DIAPH2: variants seen among roughly 807,000 people sequenced by gnomAD.
DIAPH2 encodes diaphanous related formin 2, also known as protein diaphanous homolog 2.
A neutral mutation model predicts 92.7 loss-of-function variants in DIAPH2; 35 were observed. That is an observed-to-expected ratio of 0.38 (90% CI 0.29 to 0.50). DIAPH2 has a LOEUF of 0.50. Ranked by LOEUF, DIAPH2 falls within the 20% of genes least tolerant of loss-of-function variation. The pLI is 0.94. For missense variants in DIAPH2, 701 were observed against 819.5 expected (o/e 0.86, Z 1.77); for synonymous variants, 301 against 280.4 (o/e 1.07, Z -0.73).
At chrX:97,141,085 A>G (rs995739131) in intron 21 of DIAPH2, among the ~76,000 whole-genome samples, 3 of 111,061 alleles carry the variant, frequency 2.7e-5, no homozygotes, top group Non-Finnish European at 3.8e-5. Flanking sequence ...TGAAAAGGAA[A>G]TACAATATGT....
chrX:97,526,979 G>A (rs1292685279), intron 26 of DIAPH2, among the ~76,000 whole-genome samples: 1 of 111,267 alleles, frequency 9.0e-6, no homozygotes, highest in Non-Finnish European at 1.9e-5. Flanking sequence ...GCTGCTCCTA[G>A]CCCCAACCCT....
intron 21 of DIAPH2, among the ~76,000 whole-genome samples, chrX:97,116,748 C>CT (rs945398462): frequency 2.7e-5 from 3 of 111,657 alleles, no homozygotes; most frequent in African/African-American, 9.7e-5. Context: ...AAATATGTAC[C>CT]TTATAAGTGT....
chrX:97,379,208 G>A (rs2069530022), intron 24 of DIAPH2, among the ~76,000 whole-genome samples: 1 of 111,214 alleles, frequency 9.0e-6, no homozygotes, highest in African/African-American at 3.3e-5. Context: ...ATCATATTCA[G>A]TATAGTTATG....
intron 26 of DIAPH2, 138 bp from the exon 27 acceptor site, chrX:97,599,115 G>C: frequency 2.8e-6 from 1 of 357,619 alleles, no homozygotes. Flanking sequence ...TCAGATCTGA[G>C]TTCCTTGTTA....
At chrX:97,135,591 A>G (rs1039112758) in intron 21 of DIAPH2, among the ~76,000 whole-genome samples, 2 of 111,204 alleles carry the variant, frequency 1.8e-5, no homozygotes, top group East Asian at 5.7e-4. Flanking sequence ...TTCCACACGC[A>G]TACCATCTTC....
intron 23 of DIAPH2, among the ~76,000 whole-genome samples, chrX:97,263,128 A>G (rs765001085): frequency 3.6e-5 from 4 of 112,359 alleles, no homozygotes; most frequent in African/African-American, 6.5e-5. Context: ...TCATGCATCT[A>G]TTCTTTTACT....
At chrX:97,484,594 A>G (rs1045153311) in intron 26 of DIAPH2, among the ~76,000 whole-genome samples, 4 of 112,222 alleles carry the variant, frequency 3.6e-5, no homozygotes, top group Non-Finnish European at 7.5e-5. Context: ...CCATGTCTCA[A>G]GGATGTATAA....
At chrX:97,515,109 C>G (rs774784947) in intron 26 of DIAPH2, among the ~76,000 whole-genome samples, 1 of 112,267 alleles carries the variant, frequency 8.9e-6, no homozygotes, top group Non-Finnish European at 1.9e-5. Context: ...CTCCCCCAGC[C>G]TCGCTGCTGC....
At chrX:97,238,593 G>A (rs757907269) in intron 22 of DIAPH2, among the ~76,000 whole-genome samples, 75 of 105,417 alleles carry the variant, frequency 7.1e-4, no homozygotes, top group African/African-American at 2.4e-3. Flanking sequence ...TTCCCCCTAA[G>A]AATGAGTCAT....
intron 16 of DIAPH2, among the ~76,000 whole-genome samples, chrX:96,962,384 TATATATACAC>T (rs1280650613): frequency 2.7e-4 from 20 of 73,808 alleles, no homozygotes; most frequent in Admixed American, 5.1e-4. Context: ...TATATACACA[TATATATACAC>T]ATATATATAC....
At chrX:97,499,769 A>T (rs1411743374) in intron 26 of DIAPH2, among the ~76,000 whole-genome samples, 1 of 112,544 alleles carries the variant, frequency 8.9e-6, no homozygotes. Context: ...ATGCAGCCAT[A>T]AAAAAGATAA....
intron 2 of DIAPH2, among the ~76,000 whole-genome samples, chrX:96,737,587 A>C (rs773876543): frequency 2.7e-5 from 3 of 111,943 alleles, no homozygotes; most frequent in South Asian, 3.7e-4. Context: ...TATGCACATT[A>C]CTAACTTTTG....
rs1256387036 is a variant in DIAPH2, at chrX:96,937,342, C to T, written c.1199C>T (p.Ala400Val). 9.0e-7 allele frequency: 1 copy of T among 1,114,106 alleles called. No individual in the cohort carries two copies. The highest frequency in any genetic ancestry group is 1.2e-6 in the Non-Finnish European group (1 of 827,707). The allele number at this position is 1,114,106 out of a possible 1,213,427, so 91.8% of individuals were successfully genotyped here. A position where few individuals can be genotyped will look rare whatever the true frequency, so the allele number is the denominator to read the frequency against. The change falls in exon 11 of 27, where the codon GCA becomes GTA. Residue 400 changes from alanine to valine, a missense_variant. Physicochemically the swap from Ala to Val is moderately conservative, Grantham distance 64 (BLOSUM62 0). Coordinates refer to ENST00000324765, the MANE Select transcript of DIAPH2 (RefSeq NM_006729.5). ...TCACACCGTCTCAATGACATTCGAG[C>T]AGAAATGGAATATCCTTTGACAAAC... The part of the protein sequence containing the change: ...ELSHRLNDIR[A>V]EMDDMNEVYH...
intron 26 of DIAPH2, among the ~76,000 whole-genome samples, chrX:97,488,018 C>T (rs932544187): frequency 2.7e-5 from 3 of 111,770 alleles, no homozygotes; most frequent in South Asian, 3.7e-4. Context: ...TTTGAGATGG[C>T]GTTTCGCCCT....
At chrX:97,544,386 A>G (rs1197660758) in intron 26 of DIAPH2, among the ~76,000 whole-genome samples, 1 of 112,332 alleles carries the variant, frequency 8.9e-6, no homozygotes, top group East Asian at 2.8e-4. Flanking sequence ...AAGTGATTCA[A>G]TTGTCATTAC....
At chrX:97,524,696 C>T (rs372819178) in intron 26 of DIAPH2, among the ~76,000 whole-genome samples, 1 of 111,972 alleles carries the variant, frequency 8.9e-6, no homozygotes, top group Non-Finnish European at 1.9e-5. Flanking sequence ...CAACAACATA[C>T]GTTTCCTGAT....
intron 17 of DIAPH2, among the ~76,000 whole-genome samples, chrX:96,969,680 A>G: frequency 9.0e-6 from 1 of 111,331 alleles, no homozygotes; most frequent in South Asian, 3.8e-4. Flanking sequence ...ATCGTCTGTG[A>G]GGAGAAATAG....
chrX:96,888,570 G>GATATATATAT (rs1337957746), intron 5 of DIAPH2, among the ~76,000 whole-genome samples: 1 of 39,561 alleles, frequency 2.5e-5, no homozygotes, highest in African/African-American at 2.0e-4. Context: ...TATATACACA[G>GATATATATAT]ATATATATAT....
chrX:97,059,938 A>C (rs1453632813), intron 17 of DIAPH2, among the ~76,000 whole-genome samples: 1 of 112,332 alleles, frequency 8.9e-6, no homozygotes, highest in Non-Finnish European at 1.9e-5. Flanking sequence ...GGATTGTCAC[A>C]GCCAACTCTG....
Sources: allele counts gnomAD v4.1 joint callset (sites outside exome capture counted in the v4.1 genomes callset), GRCh38; gene constraint gnomAD v4.1.1; transcripts MANE v1.5; gene names NCBI Gene and HGNC (gene_info 2026-07-23, HGNC 2026-07-21).